JAKMIP1: variants seen among roughly 807,000 people sequenced by gnomAD.
The protein encoded by JAKMIP1 is janus kinase and microtubule-interacting protein 1.
In JAKMIP1, 33 loss-of-function variants were observed where a neutral mutation model predicts 113.0. The observed-to-expected ratio is 0.29, with a 90% confidence interval of 0.22 to 0.39. JAKMIP1 has a LOEUF of 0.39. Among genes scored for constraint, JAKMIP1 ranks in the 10% least tolerant of loss-of-function variants. JAKMIP1 has a pLI of 1.00. For synonymous variants in JAKMIP1, 480 were observed against 459.9 expected, an observed-to-expected ratio of 1.04 and a Z score of -0.56; for missense variants, 813 against 1,080.5, an observed-to-expected ratio of 0.75 and a Z score of 3.47.
intron 16 of JAKMIP1, among the ~76,000 whole-genome samples, chr4:6,047,588 A>G (rs969676673): frequency 3.3e-5 from 5 of 152,346 alleles, no homozygotes; most frequent in Non-Finnish European, 7.3e-5. Flanking sequence ...CAATCCTCTC[A>G]CTGCCTACCA....
intron 2 of JAKMIP1, among the ~76,000 whole-genome samples, chr4:6,110,424 T>A (rs1374007695): frequency 6.6e-6 from 1 of 151,378 alleles, no homozygotes; most frequent in Non-Finnish European, 1.5e-5. Context: ...TAAGCCGCCC[T>A]ATCTGTGGGA....
At chr4:6,057,897 G>A (rs1371694726) in intron 11 of JAKMIP1, among the ~76,000 whole-genome samples, 4 of 152,358 alleles carry the variant, frequency 2.6e-5, no homozygotes, top group African/African-American at 9.6e-5. Flanking sequence ...CCCTGAGGTG[G>A]AGGCACCTGG....
At chr4:6,191,037 G>A (rs1452897725) in intron 1 of JAKMIP1, among the ~76,000 whole-genome samples, 1 of 152,206 alleles carries the variant, frequency 6.6e-6, no homozygotes, top group South Asian at 2.1e-4. Flanking sequence ...CATACTGGGG[G>A]ATGCAGGGAG....
chr4:6,132,525 G>A (rs1402190122), intron 1 of JAKMIP1, among the ~76,000 whole-genome samples: 6 of 151,656 alleles, frequency 4.0e-5, no homozygotes, highest in Non-Finnish European at 7.4e-5. Context: ...ACCGGTAGTC[G>A]CAGCTACTTG....
Position 6,151,482 on chromosome 4 carries a change from G to C in JAKMIP1, c.-147-38485C>G, listed in dbSNP as rs569928869. 2.6e-5 allele frequency among the ~76,000 whole-genome samples: 4 copies of C among 152,122 alleles called. No individual in the cohort carries two copies. In the South Asian group the frequency reaches 8.3e-4, roughly 32 times the overall value. ...CCAAGCTGTTCTCTCTGCCCAGAAG[G>C]CCCTCTGCTTGCTTACCCACCATTC... On this transcript the variant is annotated intron_variant, in intron 1 of 20. Transcript: ENST00000409021.
Position 6,097,204 on chromosome 4 carries a change from C to G in JAKMIP1, c.624+8269G>C, listed in dbSNP as rs28576504. Among the ~76,000 whole-genome samples the G allele has an allele frequency of 0.083, 12,690 of 152,086 alleles. 1,071 individuals carry two copies. Among genetic ancestry groups the G allele is most frequent in the African/African-American group, 0.21 (8,813 of 41,466 alleles). On this transcript the variant is annotated intron_variant, in intron 3 of 20. Transcript: ENST00000409021. This position sits in a 1 kb window ranked among gnomAD's most constrained non-coding sequence, Gnocchi z 4.3. Reference sequence around the variant, plus strand: ...TTTTGTAGAGGCAAGACCTCACTGCCCAGGATGGTCTCAAACTCTCAGCCT... The same window carrying G: ...TTTTGTAGAGGCAAGACCTCACTGCGCAGGATGGTCTCAAACTCTCAGCCT...
intron 1 of JAKMIP1, among the ~76,000 whole-genome samples, chr4:6,174,129 T>C (rs553499418): frequency 3.9e-5 from 6 of 152,162 alleles, no homozygotes; most frequent in Non-Finnish European, 5.9e-5. Context: ...TTATCACTGA[T>C]TCATTTCCTA....
At chr4:6,128,384 G>T (rs555456511) in intron 1 of JAKMIP1, among the ~76,000 whole-genome samples, 1 of 152,254 alleles carries the variant, frequency 6.6e-6, no homozygotes, top group African/African-American at 2.4e-5. Context: ...TGGACAGAAG[G>T]CCACCTGCTT....
Position 6,192,819 on chromosome 4 carries a change from G to A in JAKMIP1, c.-148+7434C>T, listed in dbSNP as rs187690975. On this transcript the variant is annotated intron_variant, in intron 1 of 20. Transcript: ENST00000409021. This position sits in a 1 kb window ranked among gnomAD's most constrained non-coding sequence, Gnocchi z 5.0. ...TCAAAAGCAAACAGGGTACTGATGG[G>A]AACCAGGGGCACAGCCGCTATCTGG... is the stretch of plus-strand genomic sequence containing the variant. Among the ~76,000 whole-genome samples, 4 of 152,278 alleles carry A rather than the reference G, an allele frequency of 2.6e-5. No individual in the cohort carries two copies. The highest frequency in any genetic ancestry group is 2.6e-4 in the Admixed American group (4 of 15,306).
chr4:6,149,741 C>T (rs1402174976), intron 1 of JAKMIP1, among the ~76,000 whole-genome samples: 3 of 152,144 alleles, frequency 2.0e-5, no homozygotes, highest in African/African-American at 7.2e-5. Context: ...CTCTTGACCC[C>T]CCACCAGCAC....
At chr4:6,072,045 G>C (rs925305268) in intron 8 of JAKMIP1, among the ~76,000 whole-genome samples, 1 of 152,242 alleles carries the variant, frequency 6.6e-6, no homozygotes, top group Non-Finnish European at 1.5e-5. Context: ...TAAGCAGAGA[G>C]CTGCAGAGAA....
At chr4:6,115,160 G>A (rs1187925752) in intron 1 of JAKMIP1, among the ~76,000 whole-genome samples, 2 of 152,202 alleles carry the variant, frequency 1.3e-5, no homozygotes, top group African/African-American at 4.8e-5. Context: ...TGTAATCCCA[G>A]CACTTTGGGA....
rs917974115 is a variant in JAKMIP1 at position 6,067,128 on chromosome 4, A to T, written c.1303-2120T>A. 6.6e-6 allele frequency among the ~76,000 whole-genome samples: 1 copy of T among 152,128 alleles called. No homozygotes were observed. Among genetic ancestry groups the T allele is most frequent in the African/African-American group, 2.4e-5 (1 of 41,430 alleles). ...CATAGCACATCTCCCCGCTGACGTA[A>T]GATCTGGCAAGCTATTGTGTTTACT... On this transcript the variant is annotated intron_variant, in intron 8 of 20. Coordinates refer to ENST00000409021, the MANE Select transcript of JAKMIP1 (RefSeq NM_001099433.2). The surrounding 1 kb of genome is among the most constrained non-coding windows in gnomAD (Gnocchi z 4.6).
Position 6,181,455 on chromosome 4 carries a change from T to C in JAKMIP1, c.-148+18798A>G, listed in dbSNP as rs574527311. On this transcript the variant is annotated intron_variant, in intron 1 of 20. Transcript: ENST00000409021. This position sits in a 1 kb window ranked among gnomAD's most constrained non-coding sequence, Gnocchi z 5.4. ...AGGAAGTCCTTCTCAGGTGCAGACATTTGCAGAGTCCCTCAATGTCTCAGT... is the reference window on the plus strand; with the variant it reads ...AGGAAGTCCTTCTCAGGTGCAGACACTTGCAGAGTCCCTCAATGTCTCAGT... Among the ~76,000 whole-genome samples the C allele has an allele frequency of 2.0e-5, 3 of 152,176 alleles. No homozygotes were observed. The highest frequency in any genetic ancestry group is 2.1e-4 in the South Asian group (1 of 4,818).
At chr4:6,035,551 C>T (rs772104516) in intron 19 of JAKMIP1, among the ~76,000 whole-genome samples, 9 of 152,178 alleles carry the variant, frequency 5.9e-5, no homozygotes, top group Non-Finnish European at 1.3e-4. Context: ...AATGAGCCGC[C>T]ATCACAAAAG....
chr4:6,124,200 C>T (rs886568994), intron 1 of JAKMIP1, among the ~76,000 whole-genome samples: 4 of 152,208 alleles, frequency 2.6e-5, no homozygotes, highest in Non-Finnish European at 2.9e-5. Flanking sequence ...CCACGTGGAA[C>T]GAGGGCTGGC....
chr4:6,190,165 T>C (rs1404084017), intron 1 of JAKMIP1, among the ~76,000 whole-genome samples: 1 of 151,030 alleles, frequency 6.6e-6, no homozygotes, highest in Non-Finnish European at 1.5e-5. Flanking sequence ...CTATGGTTCA[T>C]GGGGGAAATG....
intron 1 of JAKMIP1, among the ~76,000 whole-genome samples, chr4:6,190,446 A>G (rs1472907452): frequency 6.6e-6 from 1 of 152,132 alleles, no homozygotes; most frequent in Non-Finnish European, 1.5e-5. Context: ...CACTCTTTCC[A>G]TAAGTGAACA....
intron 1 of JAKMIP1, among the ~76,000 whole-genome samples, chr4:6,124,991 G>A (rs1241371695): frequency 1.3e-5 from 2 of 152,186 alleles, no homozygotes; most frequent in Non-Finnish European, 2.9e-5. Flanking sequence ...AGGCCTAACA[G>A]GTCAGGGGCT....
Sources: gnomAD v4.1 joint callset for allele counts (sites outside exome capture counted in the v4.1 genomes callset) on GRCh38, gnomAD v4.1.1 for gene constraint, Gnocchi (gnomAD v3.1) non-coding constraint, MANE v1.5 for transcripts, NCBI Gene and HGNC (gene_info 2026-07-23, HGNC 2026-07-21) for gene names.